The following EDIL3 variants were observed in gnomAD, a reference collection of about 807,000 sequenced individuals.
EDIL3 encodes EGF like and discoidin domains 3.
EDIL3 carries 37 observed loss-of-function variants against 67.4 expected under a neutral mutation model. The ratio of observed to expected loss-of-function variants is 0.55; its 90% confidence interval spans 0.42 to 0.72. EDIL3 has a LOEUF of 0.72. Among genes scored for constraint, EDIL3 ranks in the 30% least tolerant of loss-of-function variants. EDIL3 has a pLI of 0.00. For missense variants in EDIL3, 527 were observed against 586.3 expected (o/e 0.90, Z 1.04); for synonymous variants, 195 against 196.3 (o/e 0.99, Z 0.05).
At chr5:84,295,291 T>C (rs1486019768) in intron 1 of EDIL3, among the ~76,000 whole-genome samples, 1 of 152,078 alleles carries the variant, frequency 6.6e-6, no homozygotes, top group Non-Finnish European at 1.5e-5. Flanking sequence ...AGAAAGGATG[T>C]TACCCACTCT....
At chr5:83,975,098 A>G (rs531661633) in intron 9 of EDIL3, among the ~76,000 whole-genome samples, 18 of 152,044 alleles carry the variant, frequency 1.2e-4, no homozygotes, top group Non-Finnish European at 2.2e-4. Flanking sequence ...ATATGGCTAT[A>G]GTTATAAAGT....
chr5:84,235,020 A>G (rs1447952125), intron 2 of EDIL3, among the ~76,000 whole-genome samples: 3 of 152,170 alleles, frequency 2.0e-5, no homozygotes, highest in African/African-American at 7.2e-5. Context: ...CTAAAATTAG[A>G]GTAAACTATT....
chr5:84,168,146 A>T (rs1471061509), intron 4 of EDIL3, among the ~76,000 whole-genome samples: 1 of 152,198 alleles, frequency 6.6e-6, no homozygotes, highest in Non-Finnish European at 1.5e-5. Flanking sequence ...AAAGGCTGAC[A>T]TTAGTAAATA....
At chr5:84,013,181 A>G (rs1745545285) in intron 9 of EDIL3, among the ~76,000 whole-genome samples, 1 of 151,974 alleles carries the variant, frequency 6.6e-6, no homozygotes, top group Non-Finnish European at 1.5e-5. Flanking sequence ...AATCATATAC[A>G]TATGTGTGTA....
At chr5:84,077,906 A>G (rs1746890643) in intron 6 of EDIL3, among the ~76,000 whole-genome samples, 1 of 151,940 alleles carries the variant, frequency 6.6e-6, no homozygotes, top group African/African-American at 2.4e-5. Flanking sequence ...AGATGAGGAA[A>G]TCAATAGAAA....
At chr5:84,101,469 G>A (rs1253337245) in intron 6 of EDIL3, among the ~76,000 whole-genome samples, 1 of 151,940 alleles carries the variant, frequency 6.6e-6, no homozygotes, top group Admixed American at 6.6e-5. Flanking sequence ...GGAGAAAAGG[G>A]AGAAGATCCA....
rs553481305 is a variant in EDIL3, at chr5:84,073,795, G to A, written c.652-7189C>T. ...GCCCAAGGTAATTTATAGATTCAAT[G>A]TCATCCCCATCAAGCTACCAATGAC... is the stretch of plus-strand genomic sequence containing the variant. On this transcript the variant is annotated intron_variant, in intron 6 of 10. Coordinates refer to ENST00000296591, the MANE Select transcript of EDIL3 (RefSeq NM_005711.5). Among the ~76,000 whole-genome samples, 15 of 152,268 alleles carry A rather than the reference G, an allele frequency of 9.9e-5. No homozygotes were observed. In the South Asian group the frequency reaches 2.9e-3, roughly 29 times the overall value.
intron 5 of EDIL3, among the ~76,000 whole-genome samples, chr5:84,135,922 CATT>C (rs1748084125): frequency 6.6e-6 from 1 of 151,614 alleles, no homozygotes; most frequent in Non-Finnish European, 1.5e-5. Context: ...CATTTTATAT[CATT>C]ATTTTATTTA....
intron 1 of EDIL3, among the ~76,000 whole-genome samples, chr5:84,310,618 T>C (rs1438719739): frequency 6.6e-6 from 1 of 152,182 alleles, no homozygotes; most frequent in Non-Finnish European, 1.5e-5. Flanking sequence ...AGATCACAAT[T>C]AATTTTTCTT....
intron 1 of EDIL3, among the ~76,000 whole-genome samples, chr5:84,328,590 G>C (rs1746812199): frequency 6.6e-6 from 1 of 151,918 alleles, no homozygotes; most frequent in Non-Finnish European, 1.5e-5. Context: ...TATTATAAAT[G>C]GCTCTACAGA....
intron 1 of EDIL3, among the ~76,000 whole-genome samples, chr5:84,319,954 A>C (rs1422535828): frequency 6.6e-6 from 1 of 152,076 alleles, no homozygotes; most frequent in Non-Finnish European, 1.5e-5. Context: ...TGAATAATGA[A>C]AACACATGGA....
chr5:84,066,831 G>A (rs1746650973), intron 6 of EDIL3, among the ~76,000 whole-genome samples: 1 of 152,096 alleles, frequency 6.6e-6, no homozygotes, highest in African/African-American at 2.4e-5. Context: ...TTGTGAACAG[G>A]CTTTGAAAAG....
chr5:84,023,570 T>G (rs1196457188), intron 9 of EDIL3, among the ~76,000 whole-genome samples: 2 of 152,064 alleles, frequency 1.3e-5, no homozygotes, highest in Non-Finnish European at 1.5e-5. Context: ...ATTTCAAAAC[T>G]GAACAAAAGT....
intron 2 of EDIL3, among the ~76,000 whole-genome samples, chr5:84,241,474 T>G (rs1744792762): frequency 6.6e-6 from 1 of 152,172 alleles, no homozygotes; most frequent in Admixed American, 6.5e-5. Flanking sequence ...GCTCTAAGCA[T>G]AAGGAAGGCT....
intron 1 of EDIL3, among the ~76,000 whole-genome samples, chr5:84,328,102 A>C (rs1746799960): frequency 6.6e-6 from 1 of 152,192 alleles, no homozygotes; most frequent in Non-Finnish European, 1.5e-5. Context: ...CATTAGAGTA[A>C]GAAAGGAGCC....
chr5:84,202,821 T>C (rs1232715545), intron 3 of EDIL3, among the ~76,000 whole-genome samples: 1 of 152,130 alleles, frequency 6.6e-6, no homozygotes, highest in Admixed American at 6.6e-5. Flanking sequence ...TGGTAATTCT[T>C]CTAAGTCTTT....
intron 9 of EDIL3, among the ~76,000 whole-genome samples, chr5:83,998,063 A>G (rs1268119428): frequency 6.6e-6 from 1 of 152,150 alleles, no homozygotes; most frequent in Admixed American, 6.5e-5. Context: ...CTAGGCCACA[A>G]GGACTTTAAT....
intron 3 of EDIL3, among the ~76,000 whole-genome samples, chr5:84,206,296 GT>G (rs1161391808): frequency 6.6e-6 from 1 of 151,978 alleles, no homozygotes; most frequent in African/African-American, 2.4e-5. Flanking sequence ...TATAATTTCT[GT>G]TCTTTTACAT....
chr5:84,192,058 C>T (rs1743600656), intron 3 of EDIL3, among the ~76,000 whole-genome samples: 1 of 151,974 alleles, frequency 6.6e-6, no homozygotes, highest in Non-Finnish European at 1.5e-5. Flanking sequence ...AGTCAAAATA[C>T]TTTTTCTGCT....
Sources: allele counts gnomAD v4.1 joint callset (sites outside exome capture counted in the v4.1 genomes callset), GRCh38; gene constraint gnomAD v4.1.1; transcripts MANE v1.5; gene names NCBI Gene and HGNC (gene_info 2026-07-23, HGNC 2026-07-21).